STOX2: variants seen among roughly 807,000 people sequenced by gnomAD.
STOX2 encodes the protein storkhead-box protein 2.
A neutral mutation model predicts 60.9 loss-of-function variants in STOX2; 28 were observed. The ratio of observed to expected loss-of-function variants is 0.46; its 90% confidence interval spans 0.34 to 0.63. STOX2 has a LOEUF of 0.63. Among genes scored for constraint, STOX2 ranks in the 30% least tolerant of loss-of-function variants. STOX2 has a pLI of 0.01. For synonymous variants in STOX2, 472 were observed against 463.9 expected (o/e 1.02, Z -0.22); for missense variants, 1,024 against 1,187.7 (o/e 0.86, Z 2.03).
intron 1 of STOX2, among the ~76,000 whole-genome samples, chr4:183,862,215 A>T (rs1300263974): frequency 6.6e-6 from 1 of 152,154 alleles, no homozygotes; most frequent in Non-Finnish European, 1.5e-5. Flanking sequence ...TCACTCTGTC[A>T]CCCAGGCTGG....
rs1280611623 is a variant in STOX2, at chr4:184,019,662, G to A, written c.*2378G>A. 1.3e-5 allele frequency: 2 copies of A among 152,174 alleles called. No homozygotes were observed. Among genetic ancestry groups the A allele is most frequent in the African/African-American group, 4.8e-5 (2 of 41,436 alleles). 9.4% of individuals were successfully genotyped at this position (152,174 alleles called of 1,614,324 possible). On this transcript the variant is annotated 3_prime_UTR_variant, in exon 4 of 4. Coordinates refer to ENST00000308497, the MANE Select transcript of STOX2 (RefSeq NM_020225.3). ...TGTACACTATTTGCCTGATGCTATG[G>A]GGTACATAATTTTTTAAAAACTCCC...
chr4:183,915,668 AGAGACACAGACAC>A (rs1237331184), intron 1 of STOX2, among the ~76,000 whole-genome samples: 7 of 152,186 alleles, frequency 4.6e-5, no homozygotes, highest in African/African-American at 7.2e-5. Context: ...GAAGAAGAAA[AGAGACACAGACAC>A]AGGGGAGAAT....
intron 1 of STOX2, among the ~76,000 whole-genome samples, chr4:183,860,902 C>T (rs1740425166): frequency 6.6e-6 from 1 of 152,208 alleles, no homozygotes; most frequent in African/African-American, 2.4e-5. Context: ...ACAGTGCTCG[C>T]CTGCCAAGCA....
intron 1 of STOX2, among the ~76,000 whole-genome samples, chr4:183,969,963 T>G (rs1452361061): frequency 6.6e-6 from 1 of 152,072 alleles, no homozygotes; most frequent in East Asian, 1.9e-4. Flanking sequence ...TATCTTGTGT[T>G]GGGGAAACTA....
At chr4:183,859,649 G>T (rs375766120) in intron 1 of STOX2, among the ~76,000 whole-genome samples, 10 of 152,372 alleles carry the variant, frequency 6.6e-5, no homozygotes, top group Middle Eastern at 6.8e-3. Flanking sequence ...AAATGGTGAC[G>T]CACAGAAGGC....
chr4:183,827,381 A>G (rs572873190), intron 1 of STOX2, among the ~76,000 whole-genome samples: 1 of 152,232 alleles, frequency 6.6e-6, no homozygotes, highest in African/African-American at 2.4e-5. Context: ...CCTGTAGTCT[A>G]CTAGGGAGGT....
At chr4:183,897,202 G>A (rs146389397) in intron 1 of STOX2, among the ~76,000 whole-genome samples, 1 of 152,322 alleles carries the variant, frequency 6.6e-6, no homozygotes, top group African/African-American at 2.4e-5. Context: ...TAGAGGTTTG[G>A]TGACTCAAAT....
intron 1 of STOX2, among the ~76,000 whole-genome samples, chr4:183,953,726 C>A (rs934504988): frequency 6.6e-6 from 1 of 152,010 alleles, no homozygotes; most frequent in Admixed American, 6.5e-5. Context: ...CCACCATGCC[C>A]AGCTAATTTT....
At chr4:183,848,628 G>T (rs1318904204) in intron 1 of STOX2, among the ~76,000 whole-genome samples, 1 of 152,184 alleles carries the variant, frequency 6.6e-6, no homozygotes, top group Non-Finnish European at 1.5e-5. Context: ...CTAGATAGAA[G>T]CTAAGAGGGA....
At chr4:183,861,595 CTG>C (rs1371213527) in intron 1 of STOX2, among the ~76,000 whole-genome samples, 1 of 152,090 alleles carries the variant, frequency 6.6e-6, no homozygotes, top group Non-Finnish European at 1.5e-5. Context: ...TGCATCTTAG[CTG>C]TGTGACCGTG....
intron 1 of STOX2, among the ~76,000 whole-genome samples, chr4:183,882,754 G>GTTTTAT (rs1740985935): frequency 6.6e-6 from 1 of 152,136 alleles, no homozygotes; most frequent in African/African-American, 2.4e-5. Flanking sequence ...TGATGCACTG[G>GTTTTAT]TTTTATATAA....
At chr4:183,938,540 A>G (rs7663132) in intron 1 of STOX2, among the ~76,000 whole-genome samples, 90,395 of 151,670 alleles carry the variant, frequency 0.6, 29,159 homozygotes, top group Non-Finnish European at 0.72. Flanking sequence ...GTGGTGGTGC[A>G]CGCCTGTAAT....
At chr4:183,973,134 G>A (rs1315063675) in intron 1 of STOX2, among the ~76,000 whole-genome samples, 2 of 152,134 alleles carry the variant, frequency 1.3e-5, no homozygotes, top group Non-Finnish European at 2.9e-5. Context: ...CAACATTTGT[G>A]TAATCAAAGT....
At chr4:183,959,461 C>A (rs1947078004) in intron 1 of STOX2, among the ~76,000 whole-genome samples, 1 of 152,190 alleles carries the variant, frequency 6.6e-6, no homozygotes, top group Non-Finnish European at 1.5e-5. Context: ...TTTTCCACTG[C>A]AAGGCTGCCG....
At chr4:183,798,397 C>G (rs1738681059) in intron 1 of STOX2, among the ~76,000 whole-genome samples, 1 of 151,292 alleles carries the variant, frequency 6.6e-6, no homozygotes, top group Admixed American at 6.6e-5. Context: ...CGTGAGTGTC[C>G]CCCTCCCGGC....
At chr4:183,918,516 G>A (rs1338331724) in intron 1 of STOX2, among the ~76,000 whole-genome samples, 4 of 152,234 alleles carry the variant, frequency 2.6e-5, no homozygotes, top group Non-Finnish European at 4.4e-5. Flanking sequence ...GCGTGTTTAT[G>A]TGTTTGCATA....
Position 183,917,626 on chromosome 4 carries a change from A to C in STOX2, c.166+10670A>C, listed in dbSNP as rs144755564. 1.4e-3 allele frequency among the ~76,000 whole-genome samples: 210 copies of C among 152,352 alleles called. 2 individuals are homozygous for C. The highest frequency in any genetic ancestry group is 5.2e-3 in the South Asian group (25 of 4,826). ...TGTTTATAATGTAGACAAGGGGCAG[A>C]TGTGGATAACTTTTTAACAGTGCTT... is the stretch of plus-strand genomic sequence containing the variant. On this transcript the variant is annotated intron_variant, in intron 1 of 3. Transcript: ENST00000308497.
chr4:183,970,112 C>T (rs1298201519), intron 1 of STOX2, among the ~76,000 whole-genome samples: 1 of 149,932 alleles, frequency 6.7e-6, no homozygotes, highest in Non-Finnish European at 1.5e-5. Context: ...TGCTAGGTTT[C>T]TCAATCTCAG....
chr4:183,851,494 A>G, intron 1 of STOX2, among the ~76,000 whole-genome samples: 1 of 54,946 alleles, frequency 1.8e-5, no homozygotes, highest in Non-Finnish European at 3.8e-5. Context: ...AGGATGAGGG[A>G]AAGGATGAGG....
Sources: allele counts gnomAD v4.1 joint callset (sites outside exome capture counted in the v4.1 genomes callset), GRCh38; gene constraint gnomAD v4.1.1; transcripts MANE v1.5; gene names NCBI Gene and HGNC (gene_info 2026-07-23, HGNC 2026-07-21).